Variants in LEPROT observed in about 807,000 individuals in gnomAD.
LEPROT encodes leptin receptor gene-related protein.
In LEPROT, 3 loss-of-function variants were observed where a neutral mutation model predicts 15.4. The ratio of observed to expected loss-of-function variants is 0.19; its 90% confidence interval spans 0.09 to 0.50. The LOEUF is 0.50. Ranked by LOEUF, LEPROT falls within the 20% of genes least tolerant of loss-of-function variation. The probability of loss-of-function intolerance (pLI) is 0.97; values close to 1 mark genes in which losing one functional copy is unlikely to be tolerated. For synonymous variants in LEPROT, 59 were observed against 57.5 expected (o/e 1.03, Z -0.12); for missense variants, 137 against 162.2 (o/e 0.84, Z 0.84).
chr1:65,425,394 A>G lies in LEPROT; in HGVS notation c.92+16A>G. ...AGGATTATGGGTAAGTTATCATTTC[A>G]AAAAGAACTATTCCTCTTTCTGTGT... is the stretch of plus-strand genomic sequence containing the variant. On this transcript the variant is annotated intron_variant, in intron 2 of 3. Transcript: ENST00000371065. The G allele has an allele frequency of 6.3e-7, 1 of 1,583,764 alleles. No individual in the cohort carries two copies. Among genetic ancestry groups the G allele is most frequent in the African/African-American group, 1.4e-5 (1 of 73,078 alleles).
chr1:65,420,759 C>T lies in LEPROT; in HGVS notation c.16+19C>T, dbSNP rs955752657. 6.3e-7 allele frequency: 1 copy of T among 1,577,090 alleles called. No individual in the cohort carries two copies. The highest frequency in any genetic ancestry group is 1.3e-5 in the African/African-American group (1 of 74,248). Reference sequence around the variant, plus strand: ...GTTAAAGGTACATCGCGGTCCCCGGCTCGCTTGTCGTGTGGTGGGGTTGCC... The same window carrying T: ...GTTAAAGGTACATCGCGGTCCCCGGTTCGCTTGTCGTGTGGTGGGGTTGCC... On this transcript the variant is annotated intron_variant, in intron 1 of 3. Transcript: ENST00000371065.
chr1:65,430,724 A>G (rs1646469025), intron 3 of LEPROT, among the ~76,000 whole-genome samples: 2 of 151,846 alleles, frequency 1.3e-5, no homozygotes, highest in East Asian at 1.9e-4. Flanking sequence ...AACAACTGCT[A>G]CTTGTAAAAC....
Position 65,433,242 on chromosome 1 carries a change from T to A in LEPROT, c.*1323T>A. ...GCTCTGGCTTCTTCCCGAAGAGATA[T>A]AGGAGCCATGTAAGCACGCAGTGGG... On this transcript the variant is annotated 3_prime_UTR_variant, in exon 4 of 4. Coordinates refer to ENST00000371065, the MANE Select transcript of LEPROT (RefSeq NM_017526.5). The A allele has an allele frequency of 1.0e-6, 1 of 985,368 alleles. No homozygotes were observed. The highest frequency in any genetic ancestry group is 1.2e-6 in the Non-Finnish European group (1 of 829,930). The allele number at this position is 985,368 out of a possible 1,614,324, so 61.0% of individuals were successfully genotyped here. A position where few individuals can be genotyped will look rare whatever the true frequency, so the allele number is the denominator to read the frequency against.
chr1:65,426,085 A>G (rs776344442), intron 2 of LEPROT, among the ~76,000 whole-genome samples: 4 of 152,182 alleles, frequency 2.6e-5, no homozygotes, highest in Admixed American at 1.3e-4. Flanking sequence ...GATGAAGAGC[A>G]CAGAAGCTGG....
intron 1 of LEPROT, among the ~76,000 whole-genome samples, chr1:65,422,006 T>C (rs1412904903): frequency 6.6e-6 from 1 of 152,196 alleles, no homozygotes; most frequent in Non-Finnish European, 1.5e-5. Context: ...GTGACAGAGC[T>C]GGAAATAATT....
At chr1:65,425,607 G>A (rs1055085677) in intron 2 of LEPROT, among the ~76,000 whole-genome samples, 6 of 150,678 alleles carry the variant, frequency 4.0e-5, no homozygotes. Flanking sequence ...CTCTGGACTA[G>A]CTGGGGACAC....
Position 65,435,752 on chromosome 1 carries a change from G to A in LEPROT, c.*3833G>A, listed in dbSNP as rs955122666. ...TTATGAGGATGCTAGCATTTTCCAA[G>A]CATAGTAATTAGTTCACAACTGAGA... On this transcript the variant is annotated 3_prime_UTR_variant, in exon 4 of 4. Transcript: ENST00000371065. 1 of 984,592 alleles carries A rather than the reference G, an allele frequency of 1.0e-6. No homozygotes were observed. Among genetic ancestry groups the A allele is most frequent in the Non-Finnish European group, 1.2e-6 (1 of 829,172 alleles). The allele number at this position is 984,592 out of a possible 1,614,324, so 61.0% of individuals were successfully genotyped here.
At chr1:65,424,011 A>G (rs1412743502) in intron 1 of LEPROT, among the ~76,000 whole-genome samples, 1 of 152,202 alleles carries the variant, frequency 6.6e-6, no homozygotes, top group East Asian at 1.9e-4. Context: ...TTTCCATTTT[A>G]CAGGTGAGAA....
At chr1:65,431,695 C>G (rs1557585884) in intron 3 of LEPROT, 108 bp from the exon 4 acceptor site, 13 of 1,162,028 alleles carry the variant, frequency 1.1e-5, no homozygotes, top group Non-Finnish European at 8.5e-6. Context: ...CTTTTAGCAG[C>G]TTTGTGTAAC....
chr1:65,433,045 A>C lies in LEPROT; in HGVS notation c.*1126A>C. The C allele has an allele frequency of 2.0e-6, 2 of 985,338 alleles. No individual in the cohort carries two copies. Among genetic ancestry groups the C allele is most frequent in the Non-Finnish European group, 2.4e-6 (2 of 829,836 alleles). The allele number at this position is 985,338 out of a possible 1,614,324, so 61.0% of individuals were successfully genotyped here. A position where few individuals can be genotyped will look rare whatever the true frequency, so the allele number is the denominator to read the frequency against. On this transcript the variant is annotated 3_prime_UTR_variant, in exon 4 of 4. Coordinates refer to ENST00000371065, the MANE Select transcript of LEPROT (RefSeq NM_017526.5). ...CAATGCTGGGGGAAGAGCTCCACTG[A>C]GATGCGGGCAGGGAGGCTGGGCTCG... is the stretch of plus-strand genomic sequence containing the variant.
chr1:65,434,183 AAG>A lies in LEPROT; in HGVS notation c.*2269_*2270del. 1 of 983,696 alleles carries A rather than the reference AAG, an allele frequency of 1.0e-6. No homozygotes were observed. The highest frequency in any genetic ancestry group is 1.2e-6 in the Non-Finnish European group (1 of 828,326). 60.9% of individuals were successfully genotyped at this position (983,696 alleles called of 1,614,324 possible). On this transcript the variant is annotated 3_prime_UTR_variant, in exon 4 of 4. Transcript: ENST00000371065. ...TTATTAGATTTGCTCTATGTCTGAA[AAG>A]AGAGCTATTCTGCAGTGCCTAAATA...
At chr1:65,421,406 G>T in intron 1 of LEPROT, 1 of 1,536,094 alleles carries the variant, frequency 6.5e-7, no homozygotes, top group South Asian at 1.2e-5. Flanking sequence ...TATCTGTATG[G>T]CTTCAGAGCA....
At chr1:65,422,142 T>C (rs562449683) in intron 1 of LEPROT, among the ~76,000 whole-genome samples, 1 of 152,208 alleles carries the variant, frequency 6.6e-6, no homozygotes, top group Non-Finnish European at 1.5e-5. Context: ...TGTGATCTTA[T>C]TTGGAAGTAG....
At chr1:65,425,952 G>T (rs1646354224) in intron 2 of LEPROT, among the ~76,000 whole-genome samples, 1 of 152,138 alleles carries the variant, frequency 6.6e-6, no homozygotes, top group South Asian at 2.1e-4. Context: ...ACTGTTATGG[G>T]AACTAGGGAT....
At chr1:65,422,882 T>C (rs188223575) in intron 1 of LEPROT, among the ~76,000 whole-genome samples, 116 of 152,270 alleles carry the variant, frequency 7.6e-4, no homozygotes, top group African/African-American at 2.6e-3. Context: ...GCAGCGGTGA[T>C]ATATATAGTT....
Position 65,435,593 on chromosome 1 carries a change from T to G in LEPROT, c.*3674T>G. 1.6e-6 allele frequency: 1 copy of G among 629,644 alleles called. No homozygotes were observed. Among genetic ancestry groups the G allele is most frequent in the Non-Finnish European group, 2.0e-6 (1 of 505,076 alleles). 39.0% of individuals were successfully genotyped at this position (629,644 alleles called of 1,614,324 possible). ...CGTGTTAGCCAGGATGGTCTCGATC[T>G]CCTGACCTCATGATCCGCCCGCCTC... On this transcript the variant is annotated 3_prime_UTR_variant, in exon 4 of 4. Coordinates refer to ENST00000371065, the MANE Select transcript of LEPROT (RefSeq NM_017526.5).
At position 65,435,589 on chromosome 1, in the gene LEPROT, G is replaced by A. The variant is rs1014283203; in HGVS notation, c.*3670G>A. 3 of 602,544 alleles carry A rather than the reference G, an allele frequency of 5.0e-6. No homozygotes were observed. The highest frequency in any genetic ancestry group is 6.3e-5 in the Admixed American group (1 of 15,794). 37.3% of individuals were successfully genotyped at this position (602,544 alleles called of 1,614,324 possible). On this transcript the variant is annotated 3_prime_UTR_variant, in exon 4 of 4. Transcript: ENST00000371065. The stretch of plus-strand genomic sequence containing the variant: ...TCATCGTGTTAGCCAGGATGGTCTC[G>A]ATCTCCTGACCTCATGATCCGCCCG...
intron 3 of LEPROT, 102 bp downstream of exon 3, chr1:65,430,150 T>A: frequency 9.7e-7 from 1 of 1,032,880 alleles, no homozygotes; most frequent in Non-Finnish European, 1.3e-6. Context: ...GGCTTTATAC[T>A]CAAGGCCGTG....
intron 1 of LEPROT, among the ~76,000 whole-genome samples, chr1:65,422,918 G>A (rs111723465): frequency 7.9e-5 from 12 of 152,040 alleles, no homozygotes; most frequent in African/African-American, 2.7e-4. Context: ...GCTGTGTAGA[G>A]GATGGATTGG....
Sources: gnomAD v4.1 joint callset for allele counts (sites outside exome capture counted in the v4.1 genomes callset) on GRCh38, gnomAD v4.1.1 for gene constraint, MANE v1.5 for transcripts, NCBI Gene and HGNC (gene_info 2026-07-23, HGNC 2026-07-21) for gene names.